The following PCDH15 variants were observed in gnomAD, a reference collection of about 807,000 sequenced individuals.
PCDH15 encodes protocadherin related 15.
In PCDH15, 129 loss-of-function variants were observed where a neutral mutation model predicts 178.5. The observed-to-expected ratio is 0.72, with a 90% CI of 0.63 to 0.84. The LOEUF (loss-of-function observed/expected upper bound fraction) is 0.84. Among genes scored for constraint, PCDH15 ranks in the 40% least tolerant of loss-of-function variants. The probability of loss-of-function intolerance (pLI) is 0.00; values close to 1 mark genes in which losing one functional copy is unlikely to be tolerated. For synonymous variants in PCDH15, 800 were observed against 732.0 expected, an observed-to-expected ratio of 1.09 and a Z score of -1.50; for missense variants, 2,230 against 2,099.9, an observed-to-expected ratio of 1.06 and a Z score of -1.21.
At chr10:55,572,210 C>G (rs961850693) in intron 2 of PCDH15, among the ~76,000 whole-genome samples, 2 of 151,650 alleles carry the variant, frequency 1.3e-5, no homozygotes, top group African/African-American at 4.8e-5. Flanking sequence ...TTTTTGGATA[C>G]AGGTACCCCA....
At chr10:55,209,957 C>T (rs1453103940) in intron 1 of PCDH15, among the ~76,000 whole-genome samples, 3 of 151,638 alleles carry the variant, frequency 2.0e-5, no homozygotes, top group Non-Finnish European at 4.4e-5. Context: ...TAGAACTAAG[C>T]CTTGAAGAAA....
intron 1 of PCDH15, among the ~76,000 whole-genome samples, chr10:55,190,949 G>A (rs1461096370): frequency 3.3e-5 from 5 of 151,546 alleles, no homozygotes; most frequent in African/African-American, 7.3e-5. Flanking sequence ...GCAGTCTGTT[G>A]TATTTAATAT....
At position 54,885,106 on chromosome 10, in the gene PCDH15, T is replaced by A. The variant is rs539445675; in HGVS notation, c.-29+12344A>T. 9.5e-4 allele frequency among the ~76,000 whole-genome samples: 145 copies of A among 152,172 alleles called. 1 individual carries two copies. The highest frequency in any genetic ancestry group is 1.9e-3 in the Non-Finnish European group (126 of 67,956). On this transcript the variant is annotated intron_variant, in intron 3 of 5. Coordinates refer to the PCDH15 transcript ENST00000458638. ...TCACAGCTTTATTCCCAGCAACCGA[T>A]ACAATAAATGAATGAATGATCTTGA...
chr10:54,939,089 T>C (rs900240768), intron 2 of PCDH15, among the ~76,000 whole-genome samples: 1 of 149,906 alleles, frequency 6.7e-6, no homozygotes, highest in Non-Finnish European at 1.5e-5. Context: ...ATTTTTGGTA[T>C]TTTTTTTGCA....
chr10:54,599,614 A>C, intron 2 of PCDH15: 1 of 319,696 alleles, frequency 3.1e-6, no homozygotes, highest in South Asian at 3.1e-5. Context: ...TTTCATGGAA[A>C]ATATGCCAAA....
intron 9 of PCDH15, among the ~76,000 whole-genome samples, chr10:54,234,132 CTGTG>C (rs35466519): frequency 0.041 from 5,705 of 138,470 alleles, 141 homozygotes; most frequent in Middle Eastern, 0.1. Flanking sequence ...ATATCCCCTT[CTGTG>C]TGTGTGTGTG....
intron 15 of PCDH15, among the ~76,000 whole-genome samples, chr10:54,121,565 G>A (rs1376359436): frequency 6.6e-6 from 1 of 151,964 alleles, no homozygotes; most frequent in Non-Finnish European, 1.5e-5. Flanking sequence ...GATTAATAAA[G>A]AGAAGAAAAG....
Position 54,087,863 on chromosome 10 carries a change from G to T in PCDH15, c.1997+2121C>A, listed in dbSNP as rs2094539821. 2.0e-5 allele frequency among the ~76,000 whole-genome samples: 3 copies of T among 152,096 alleles called. No homozygotes were observed. The South Asian group carries it at 6.2e-4, about 31-fold the overall frequency. Reference sequence around the variant, plus strand: ...TGAATGGTTGAGCACCACCCTCCTTGGTCCTGCTCTCTTGATAGAGTTCAG... The same window carrying T: ...TGAATGGTTGAGCACCACCCTCCTTTGTCCTGCTCTCTTGATAGAGTTCAG... On this transcript the variant is annotated intron_variant, in intron 16 of 37. Transcript: ENST00000644397.
At chr10:54,305,752 T>C (rs1013423544) in intron 8 of PCDH15, among the ~76,000 whole-genome samples, 4 of 152,004 alleles carry the variant, frequency 2.6e-5, no homozygotes, top group African/African-American at 9.7e-5. Flanking sequence ...GAAGCCTTTT[T>C]TAAGGAGGCA....
intron 1 of PCDH15, among the ~76,000 whole-genome samples, chr10:55,290,022 C>G (rs557682717): frequency 6.6e-6 from 1 of 150,934 alleles, no homozygotes; most frequent in African/African-American, 2.5e-5. Flanking sequence ...ATACCTGAGT[C>G]ATGTTCTTGA....
intron 2 of PCDH15, among the ~76,000 whole-genome samples, chr10:55,588,618 A>G (rs1842773210): frequency 6.6e-6 from 1 of 152,132 alleles, no homozygotes; most frequent in African/African-American, 2.4e-5. Context: ...GAGACAGATC[A>G]AAGAAGAGAA....
chr10:54,020,119 G>A (rs146322986), intron 20 of PCDH15, 73 bp downstream of exon 20: 4 of 1,238,564 alleles, frequency 3.2e-6, no homozygotes, highest in Admixed American at 3.4e-5. Context: ...CATATTATAG[G>A]TATAATAGAA....
intron 26 of PCDH15, among the ~76,000 whole-genome samples, chr10:53,872,615 G>T (rs1241623324): frequency 6.6e-6 from 1 of 152,140 alleles, no homozygotes; most frequent in Admixed American, 6.6e-5. Flanking sequence ...TGAAGAGGGC[G>T]CAGAGAAATT....
chr10:54,626,729 C>G (rs2093562714), intron 2 of PCDH15, among the ~76,000 whole-genome samples: 1 of 152,134 alleles, frequency 6.6e-6, no homozygotes, highest in African/African-American at 2.4e-5. Flanking sequence ...CACAGAGTCC[C>G]TATTGGGGCA....
At chr10:54,282,341 G>C (rs2058751317) in intron 8 of PCDH15, among the ~76,000 whole-genome samples, 1 of 152,064 alleles carries the variant, frequency 6.6e-6, no homozygotes, top group Non-Finnish European at 1.5e-5. Flanking sequence ...GAGAGAGAGA[G>C]AGGAGAGATG....
intron 23 of PCDH15, among the ~76,000 whole-genome samples, chr10:53,958,488 G>A (rs573382520): frequency 6.6e-6 from 1 of 152,144 alleles, no homozygotes; most frequent in South Asian, 2.1e-4. Context: ...CTACCATTGT[G>A]TTCTCACAGT....
intron 3 of PCDH15, among the ~76,000 whole-genome samples, chr10:54,880,962 T>A (rs1372871932): frequency 6.6e-6 from 1 of 151,910 alleles, no homozygotes; most frequent in Non-Finnish European, 1.5e-5. Flanking sequence ...AACAAAAGAA[T>A]ACTCCTGTAG....
At position 55,250,726 on chromosome 10, in the gene PCDH15, G is replaced by A. The variant is rs56740623; in HGVS notation, c.-156+68873C>T. Among the ~76,000 whole-genome samples, 612 of 151,108 alleles carry A rather than the reference G, an allele frequency of 4.1e-3. 3 individuals carry two copies. Among genetic ancestry groups the A allele is most frequent in the African/African-American group, 0.014 (593 of 41,162 alleles). On this transcript the variant is annotated intron_variant, in intron 1 of 5. Transcript: ENST00000458638. Reference sequence around the variant, plus strand: ...TATTTTTTGTATTTTTAGTAGAGACGGGGTTTCACCACCTTGGCCAGGCTG... The same window carrying A: ...TATTTTTTGTATTTTTAGTAGAGACAGGGTTTCACCACCTTGGCCAGGCTG...
chr10:54,697,264 G>T (rs2095242274), intron 1 of PCDH15, among the ~76,000 whole-genome samples: 1 of 151,834 alleles, frequency 6.6e-6, no homozygotes, highest in South Asian at 2.1e-4. Context: ...ATACTTGATA[G>T]TTTAAAAAAT....
Sources: gnomAD v4.1 joint callset for allele counts (sites outside exome capture counted in the v4.1 genomes callset) on GRCh38, gnomAD v4.1.1 for gene constraint, MANE v1.5 for transcripts, NCBI Gene and HGNC (gene_info 2026-07-23, HGNC 2026-07-21) for gene names.